TMEM51: variants seen among roughly 807,000 people sequenced by gnomAD.
TMEM51 encodes chromosome 1 open reading frame 72.
Under a neutral mutation model 13.6 loss-of-function variants are expected in TMEM51, and 8 were observed. The observed-to-expected ratio is 0.59, with a 90% confidence interval of 0.35 to 1.07. The LOEUF (loss-of-function observed/expected upper bound fraction) is 1.07. Among genes scored for constraint, TMEM51 ranks in the 50% least tolerant of loss-of-function variants. TMEM51 has a pLI of 0.02. For synonymous variants in TMEM51, 147 were observed against 144.4 expected (o/e 1.02, Z -0.13); for missense variants, 279 against 330.7 (o/e 0.84, Z 1.21).
At chr1:15,166,083 G>A (rs1324270239) in intron 1 of TMEM51, among the ~76,000 whole-genome samples, 1 of 152,114 alleles carries the variant, frequency 6.6e-6, no homozygotes, top group Non-Finnish European at 1.5e-5. Context: ...TAGCCATGGG[G>A]GGTTTCGATA....
intron 1 of TMEM51, among the ~76,000 whole-genome samples, chr1:15,204,260 G>A (rs1475253074): frequency 3.9e-5 from 6 of 152,166 alleles, no homozygotes; most frequent in Non-Finnish European, 8.8e-5. Context: ...AGCCTCCAAA[G>A]TTGTCCACCT....
intron 2 of TMEM51, among the ~76,000 whole-genome samples, chr1:15,214,570 A>C (rs1644392904): frequency 6.6e-6 from 1 of 152,212 alleles, no homozygotes; most frequent in Non-Finnish European, 1.5e-5. Flanking sequence ...AGCCTCCAGC[A>C]AGAGCTACGA....
At chr1:15,199,525 G>A (rs1644114241) in intron 1 of TMEM51, among the ~76,000 whole-genome samples, 2 of 152,154 alleles carry the variant, frequency 1.3e-5, no homozygotes, top group Admixed American at 6.5e-5. Flanking sequence ...AGCTTTCCCT[G>A]CAGCATCATG....
At position 15,185,563 on chromosome 1, in the gene TMEM51, C is replaced by T. The variant is rs143826066; in HGVS notation, c.-266-24927C>T. Reference sequence around the variant, plus strand: ...AATTTCAGATTTTCAGTTTAATACACGGTTATGGCTTATGTTTCTGATTTA... The same window carrying T: ...AATTTCAGATTTTCAGTTTAATACATGGTTATGGCTTATGTTTCTGATTTA... On this transcript the variant is annotated intron_variant, in intron 1 of 3. Transcript: ENST00000376008. 2.0e-5 allele frequency among the ~76,000 whole-genome samples: 3 copies of T among 152,298 alleles called. No individual in the cohort carries two copies. The East Asian group carries it at 5.8e-4, about 29-fold the overall frequency.
intron 1 of TMEM51, among the ~76,000 whole-genome samples, chr1:15,189,164 C>T (rs12562474): frequency 0.17 from 26,337 of 150,614 alleles, 2,387 homozygotes; most frequent in Non-Finnish European, 0.19. Flanking sequence ...CTCAGCCTCC[C>T]GAGCAACTGG....
At chr1:15,208,759 GA>G (rs1644291887) in intron 1 of TMEM51, among the ~76,000 whole-genome samples, 2 of 152,058 alleles carry the variant, frequency 1.3e-5, no homozygotes, top group South Asian at 4.1e-4. Context: ...GAGCAGAAAG[GA>G]AACCACTGAG....
intron 1 of TMEM51, among the ~76,000 whole-genome samples, chr1:15,169,341 C>T (rs960318128): frequency 1.3e-5 from 2 of 152,062 alleles, no homozygotes; most frequent in Non-Finnish European, 2.9e-5. Flanking sequence ...GCCAAGGAAT[C>T]AAGCTCTTCT....
chr1:15,170,975 G>C (rs1226338422), intron 1 of TMEM51, among the ~76,000 whole-genome samples: 1 of 151,992 alleles, frequency 6.6e-6, no homozygotes, highest in Admixed American at 6.6e-5. Flanking sequence ...TGATCCGCCC[G>C]CCTCGGCCTC....
intron 1 of TMEM51, among the ~76,000 whole-genome samples, chr1:15,179,548 C>T (rs1248905934): frequency 6.6e-6 from 1 of 152,088 alleles, no homozygotes; most frequent in Non-Finnish European, 1.5e-5. Flanking sequence ...TTTGAGAGGC[C>T]GAGGTGGGAG....
intron 1 of TMEM51, among the ~76,000 whole-genome samples, chr1:15,209,963 G>A (rs1294614289): frequency 1.3e-5 from 2 of 152,076 alleles, no homozygotes; most frequent in Non-Finnish European, 2.9e-5. Flanking sequence ...CCCAGGAGGC[G>A]GAGGTTGCAG....
At chr1:15,195,809 C>CGGAGA (rs1341918651) in intron 1 of TMEM51, among the ~76,000 whole-genome samples, 10 of 152,320 alleles carry the variant, frequency 6.6e-5, no homozygotes, top group African/African-American at 2.4e-4. Context: ...TAACGAGCAT[C>CGGAGA]TCCTGCCCAA....
chr1:15,214,270 T>C (rs1644389202), intron 2 of TMEM51, among the ~76,000 whole-genome samples: 1 of 152,070 alleles, frequency 6.6e-6, no homozygotes, highest in African/African-American at 2.4e-5. Context: ...ATCTGAGCTA[T>C]GGGTGACCAG....
intron 3 of TMEM51, among the ~76,000 whole-genome samples, chr1:15,217,113 G>A (rs1644443778): frequency 6.6e-6 from 1 of 152,164 alleles, no homozygotes; most frequent in Admixed American, 6.5e-5. Context: ...CAACCACTGT[G>A]GAGAAGTTTA....
chr1:15,168,340 T>C, intron 1 of TMEM51: 1 of 858,194 alleles, frequency 1.2e-6, no homozygotes, highest in Non-Finnish European at 1.6e-6. Flanking sequence ...AAGGGGTCTG[T>C]GCACCAAAAG....
At chr1:15,206,931 T>C (rs1406236579) in intron 1 of TMEM51, among the ~76,000 whole-genome samples, 12 of 152,276 alleles carry the variant, frequency 7.9e-5, no homozygotes, top group African/African-American at 2.9e-4. Context: ...CCCTTTGACC[T>C]TGGTCCGTGG....
rs184620910 is a variant in TMEM51, at chr1:15,207,337, G to A, written c.-266-3153G>A. Among the ~76,000 whole-genome samples the A allele has an allele frequency of 3.9e-5, 6 of 152,342 alleles. No homozygotes were observed. The highest frequency in any genetic ancestry group is 2.0e-4 in the Admixed American group (3 of 15,310). ...AGTGGTCACGTGAGGGTCTACATCC[G>A]ATTCCCAGTTTCTAAACTGTGTCCT... On this transcript the variant is annotated intron_variant, in intron 1 of 3. Transcript: ENST00000376008. The surrounding 1 kb of genome is among the most constrained non-coding windows in gnomAD (Gnocchi z 4.6).
chr1:15,170,358 CT>C (rs34604282), intron 1 of TMEM51, among the ~76,000 whole-genome samples: 2,251 of 145,112 alleles, frequency 0.016, 67 homozygotes, highest in African/African-American at 0.053. Context: ...TTTTTTTTAT[CT>C]TTTTTTTTTT....
At chr1:15,187,846 G>A (rs1643830704) in intron 1 of TMEM51, among the ~76,000 whole-genome samples, 1 of 152,048 alleles carries the variant, frequency 6.6e-6, no homozygotes, top group African/African-American at 2.4e-5. Context: ...CCCGGCCAAG[G>A]AAAGAGCTCT....
chr1:15,216,042 A>AG (rs1037699321), intron 3 of TMEM51, among the ~76,000 whole-genome samples: 5 of 151,860 alleles, frequency 3.3e-5, no homozygotes, highest in African/African-American at 1.2e-4. Flanking sequence ...AAAAAAAAAA[A>AG]TACAAAAACA....
Sources: gnomAD v4.1 joint callset for allele counts (sites outside exome capture counted in the v4.1 genomes callset) on GRCh38, gnomAD v4.1.1 for gene constraint, Gnocchi (gnomAD v3.1) non-coding constraint, MANE v1.5 for transcripts, NCBI Gene and HGNC (gene_info 2026-07-23, HGNC 2026-07-21) for gene names.